LMX1A: variants seen among roughly 807,000 people sequenced by gnomAD.
LMX1A encodes the protein LIM homeobox transcription factor 1-alpha.
A neutral mutation model predicts 49.1 loss-of-function variants in LMX1A; 15 were observed. The observed-to-expected ratio is 0.31, with a 90% confidence interval of 0.20 to 0.47. LMX1A has a LOEUF of 0.47. Ranked by LOEUF, LMX1A falls within the 20% of genes least tolerant of loss-of-function variation. The pLI is 1.00. For synonymous variants in LMX1A, 167 were observed against 185.7 expected, an observed-to-expected ratio of 0.90 and a Z score of 0.82; for missense variants, 372 against 475.8, an observed-to-expected ratio of 0.78 and a Z score of 2.03.
At chr1:165,318,999 T>TCTCTCACACACACA (rs1444303214) in intron 3 of LMX1A, among the ~76,000 whole-genome samples, 1 of 117,754 alleles carries the variant, frequency 8.5e-6, no homozygotes, top group African/African-American at 3.5e-5. Flanking sequence ...TCTCTCTCTC[T>TCTCTCACACACACA]CACACACACA....
chr1:165,290,268 C>T (rs1654425321), intron 3 of LMX1A, among the ~76,000 whole-genome samples: 1 of 152,208 alleles, frequency 6.6e-6, no homozygotes, highest in Admixed American at 6.5e-5. Context: ...ACCAGAAGTT[C>T]AAAATCCGTT....
chr1:165,344,876 A>G (rs894502212), intron 3 of LMX1A, among the ~76,000 whole-genome samples: 4 of 152,200 alleles, frequency 2.6e-5, no homozygotes, highest in African/African-American at 9.7e-5. Context: ...CATGCTCAGG[A>G]GAGACATCAA....
At chr1:165,247,208 A>G (rs1013166646) in intron 4 of LMX1A, among the ~76,000 whole-genome samples, 3 of 152,028 alleles carry the variant, frequency 2.0e-5, no homozygotes, top group Admixed American at 6.6e-5. Flanking sequence ...ACAAATGTTT[A>G]TCATGAAAGG....
At chr1:165,292,856 C>G (rs978354571) in intron 3 of LMX1A, among the ~76,000 whole-genome samples, 1 of 152,118 alleles carries the variant, frequency 6.6e-6, no homozygotes, top group African/African-American at 2.4e-5. Context: ...CGGTGGCTCA[C>G]GCCTGTAATC....
At chr1:165,226,753 A>C (rs1457811010) in intron 4 of LMX1A, among the ~76,000 whole-genome samples, 1 of 152,216 alleles carries the variant, frequency 6.6e-6, no homozygotes, top group Non-Finnish European at 1.5e-5. Flanking sequence ...ACATAGACCA[A>C]ACTTCTGTAA....
chr1:165,258,882 T>C (rs1333074232), intron 3 of LMX1A, among the ~76,000 whole-genome samples: 1 of 152,216 alleles, frequency 6.6e-6, no homozygotes, highest in Non-Finnish European at 1.5e-5. Context: ...CTTTAAGAAC[T>C]TGAGCAAGTT....
At chr1:165,344,086 A>T (rs753153089) in intron 3 of LMX1A, among the ~76,000 whole-genome samples, 2 of 152,242 alleles carry the variant, frequency 1.3e-5, no homozygotes, top group African/African-American at 4.8e-5. Context: ...CCAAGCTGAG[A>T]TTCTGAAAAT....
intron 3 of LMX1A, among the ~76,000 whole-genome samples, chr1:165,295,375 C>T (rs1243076744): frequency 1.3e-5 from 2 of 149,938 alleles, no homozygotes; most frequent in Non-Finnish European, 3.0e-5. Context: ...TCATAAGTTC[C>T]AAATTTGCCG....
intron 3 of LMX1A, among the ~76,000 whole-genome samples, chr1:165,319,017 A>T (rs1403572380): frequency 7.5e-6 from 1 of 133,104 alleles, no homozygotes; most frequent in African/African-American, 2.8e-5. Flanking sequence ...ACACACACAC[A>T]CACACACACA....
chr1:165,255,311 C>T (rs1210797536), intron 3 of LMX1A, among the ~76,000 whole-genome samples: 1 of 152,212 alleles, frequency 6.6e-6, no homozygotes, highest in Non-Finnish European at 1.5e-5. Flanking sequence ...CTCTCTTTTC[C>T]ACTCACTCTG....
At chr1:165,247,117 T>C (rs960572197) in intron 4 of LMX1A, among the ~76,000 whole-genome samples, 2 of 136,342 alleles carry the variant, frequency 1.5e-5, no homozygotes, top group African/African-American at 2.7e-5. Context: ...CACTAATGCC[T>C]CTTATTGATT....
intron 3 of LMX1A, among the ~76,000 whole-genome samples, chr1:165,308,606 G>A (rs1213161358): frequency 6.6e-6 from 1 of 152,144 alleles, no homozygotes; most frequent in East Asian, 1.9e-4. Context: ...TCCTCACAAC[G>A]ATTCTATAAA....
Position 165,213,647 on chromosome 1 carries a change from G to A in LMX1A, c.663C>T (p.Cys221=), listed in dbSNP as rs199831288. 6.2e-7 allele frequency: 1 copy of A among 1,613,750 alleles called. No individual in the cohort carries two copies. The highest frequency in any genetic ancestry group is 8.5e-7 in the Non-Finnish European group (1 of 1,179,872). ...KASFEVSSKP[C]RKVRETLAAE... is the part of the protein sequence containing the mutation. Reference sequence around the variant, plus strand: ...TCCCTGCTCCCTCCTATACCTTCCTGCAGGGCTTGGAGGATACTTCAAATG... The same window carrying A: ...TCCCTGCTCCCTCCTATACCTTCCTACAGGGCTTGGAGGATACTTCAAATG... The change falls in exon 5 of 9, where the codon TGC becomes TGT. Residue 221 remains cysteine (C), a synonymous_variant. Transcript: ENST00000342310.
At chr1:165,264,511 C>T (rs991507221) in intron 3 of LMX1A, among the ~76,000 whole-genome samples, 2 of 152,080 alleles carry the variant, frequency 1.3e-5, no homozygotes, top group African/African-American at 4.8e-5. Context: ...TTTATAACAG[C>T]CCCTCCCAAC....
intron 3 of LMX1A, among the ~76,000 whole-genome samples, chr1:165,328,355 C>T (rs1011908179): frequency 6.6e-6 from 1 of 152,212 alleles, no homozygotes; most frequent in Non-Finnish European, 1.5e-5. Flanking sequence ...TCCCATAGTG[C>T]TATGTCCACA....
intron 3 of LMX1A, among the ~76,000 whole-genome samples, chr1:165,325,542 C>T (rs964674320): frequency 6.6e-6 from 1 of 152,060 alleles, no homozygotes; most frequent in East Asian, 1.9e-4. Context: ...TGAGGATTAT[C>T]TATGACAGCC....
At chr1:165,229,630 T>C (rs1652169860) in intron 4 of LMX1A, among the ~76,000 whole-genome samples, 1 of 152,250 alleles carries the variant, frequency 6.6e-6, no homozygotes, top group South Asian at 2.1e-4. Flanking sequence ...CAATCATCTA[T>C]GTTTACAAAT....
Position 165,266,897 on chromosome 1 carries a change from G to GGCTT in LMX1A, c.264-17261_264-17258dup, listed in dbSNP as rs139379825. On this transcript the variant is annotated intron_variant, in intron 3 of 8. Coordinates refer to ENST00000342310, the MANE Select transcript of LMX1A (RefSeq NM_177398.4). ...ATTACAGGCGTGAGCCACTGTGCCCGGCTTGCTTGCTTGCTTGCTTGCTTG... is the reference window on the plus strand; with the variant it reads ...ATTACAGGCGTGAGCCACTGTGCCCGGCTTGCTTGCTTGCTTGCTTGCTTGCTTG... Among the ~76,000 whole-genome samples, 189 of 151,610 alleles carry GGCTT rather than the reference G, an allele frequency of 1.2e-3. 3 individuals carry two copies. Among genetic ancestry groups the GGCTT allele is most frequent in the African/African-American group, 3.9e-3 (162 of 41,450 alleles).
intron 3 of LMX1A, among the ~76,000 whole-genome samples, chr1:165,313,518 G>A (rs1261587636): frequency 6.9e-6 from 1 of 144,988 alleles, no homozygotes; most frequent in Non-Finnish European, 1.5e-5. Flanking sequence ...ATTGGGGTCA[G>A]GGTTGGATAA....
Sources: gnomAD v4.1 joint callset for allele counts (sites outside exome capture counted in the v4.1 genomes callset) on GRCh38, gnomAD v4.1.1 for gene constraint, MANE v1.5 for transcripts, NCBI Gene and HGNC (gene_info 2026-07-23, HGNC 2026-07-21) for gene names.